The following RIT2 variants were observed in gnomAD, a reference collection of about 807,000 sequenced individuals.
RIT2 encodes the protein GTP-binding protein Rit2.
A neutral mutation model predicts 23.7 loss-of-function variants in RIT2; 24 were observed. The observed-to-expected ratio is 1.01, with a 90% CI of 0.73 to 1.43. RIT2 has a LOEUF of 1.43. Ranked by LOEUF, RIT2 falls within the 40% of genes most tolerant of loss-of-function variation. RIT2 has a pLI of 0.00. For missense variants in RIT2, 236 were observed against 266.9 expected (o/e 0.88, Z 0.81); for synonymous variants, 107 against 91.1 (o/e 1.17, Z -0.99).
chr18:43,023,417 A>T (rs1242185709), intron 2 of RIT2, among the ~76,000 whole-genome samples: 1 of 152,072 alleles, frequency 6.6e-6, no homozygotes, highest in Non-Finnish European at 1.5e-5. Flanking sequence ...AGATGTCCTT[A>T]TCCTGACAGC....
chr18:43,111,449 G>A (rs1162490124), intron 1 of RIT2, among the ~76,000 whole-genome samples: 2 of 151,970 alleles, frequency 1.3e-5, no homozygotes, highest in Non-Finnish European at 2.9e-5. Flanking sequence ...AAAGTATAAT[G>A]GAAGATTTAT....
At position 42,759,556 on chromosome 18, in the gene RIT2, A is replaced by G. The variant is rs542172508; in HGVS notation, c.427-15836T>C. ...AGCATTTTAATATACAGTAAAACGA[A>G]AGAAAAGGTTTAGGAAAGAGACTTC... On this transcript the variant is annotated intron_variant, in intron 4 of 4. Coordinates refer to ENST00000326695, the MANE Select transcript of RIT2 (RefSeq NM_002930.4). Among the ~76,000 whole-genome samples the G allele has an allele frequency of 2.9e-4, 44 of 152,062 alleles. 1 individual carries two copies. In the South Asian group the frequency reaches 6.0e-3, roughly 21 times the overall value.
chr18:43,039,602 C>T (rs755494272), intron 1 of RIT2, among the ~76,000 whole-genome samples: 5 of 152,144 alleles, frequency 3.3e-5, no homozygotes, highest in Non-Finnish European at 5.9e-5. Flanking sequence ...CCCTCCTTGG[C>T]CTCCCAAAAT....
In RIT2 at chr18:43,003,029, A is replaced by C. The variant is rs186670039; in HGVS notation, c.161-28882T>G. ...AGGTAGGGAAAAAAGCAAGGCATGCAGGGCAGCCAGGAGGAGCTGGGTAAA... is the reference window on the plus strand; with the variant it reads ...AGGTAGGGAAAAAAGCAAGGCATGCCGGGCAGCCAGGAGGAGCTGGGTAAA... On this transcript the variant is annotated intron_variant, in intron 2 of 4. Transcript: ENST00000326695. Among the ~76,000 whole-genome samples the C allele has an allele frequency of 8.6e-5, 13 of 152,042 alleles. No individual in the cohort carries two copies. The East Asian group carries it at 1.9e-3, about 23-fold the overall frequency.
At chr18:43,085,257 G>T (rs1039213959) in intron 1 of RIT2, among the ~76,000 whole-genome samples, 1 of 151,886 alleles carries the variant, frequency 6.6e-6, no homozygotes, top group African/African-American at 2.4e-5. Flanking sequence ...GGGGTACAAT[G>T]TGATATTTTT....
At chr18:42,765,852 G>A (rs2143907276) in intron 4 of RIT2, among the ~76,000 whole-genome samples, 1 of 152,076 alleles carries the variant, frequency 6.6e-6, no homozygotes, top group Admixed American at 6.6e-5. Context: ...GAATCATGAG[G>A]GCTGGTCTTT....
chr18:43,002,080 C>T (rs768952284), intron 2 of RIT2, among the ~76,000 whole-genome samples: 1 of 151,940 alleles, frequency 6.6e-6, no homozygotes, highest in African/African-American at 2.4e-5. Flanking sequence ...AAAGGCATTT[C>T]GAGTTCCAAA....
intron 3 of RIT2, among the ~76,000 whole-genome samples, chr18:42,947,950 G>A (rs928980254): frequency 5.3e-5 from 8 of 151,984 alleles, no homozygotes; most frequent in African/African-American, 1.7e-4. Context: ...ACTTCTCCAA[G>A]TATAATTTAT....
At chr18:43,093,240 T>C (rs1913467449) in intron 1 of RIT2, among the ~76,000 whole-genome samples, 1 of 151,876 alleles carries the variant, frequency 6.6e-6, no homozygotes, top group African/African-American at 2.4e-5. Context: ...TACTGTGGTA[T>C]TTCTTGTTAA....
At chr18:43,077,146 G>A (rs1281818025) in intron 1 of RIT2, among the ~76,000 whole-genome samples, 2 of 145,502 alleles carry the variant, frequency 1.4e-5, no homozygotes, top group African/African-American at 5.0e-5. Flanking sequence ...AGCCTCAGTT[G>A]AATCCAATAG....
intron 3 of RIT2, among the ~76,000 whole-genome samples, chr18:42,929,410 C>T (rs2144142651): frequency 6.6e-6 from 1 of 152,096 alleles, no homozygotes; most frequent in African/African-American, 2.4e-5. Context: ...CTGACGGAAG[C>T]TTCAAGCAAG....
intron 4 of RIT2, among the ~76,000 whole-genome samples, chr18:42,812,519 T>C (rs1028360231): frequency 6.6e-5 from 10 of 152,228 alleles, no homozygotes; most frequent in Non-Finnish European, 1.3e-4. Flanking sequence ...ATTTCTTTAC[T>C]GTACCTCTCT....
intron 4 of RIT2, among the ~76,000 whole-genome samples, chr18:42,758,227 A>G (rs1913211399): frequency 6.6e-6 from 1 of 152,178 alleles, no homozygotes; most frequent in Non-Finnish European, 1.5e-5. Context: ...AAGACGTACA[A>G]TTTCAAAATA....
At chr18:42,997,287 A>AT (rs986535279) in intron 2 of RIT2, among the ~76,000 whole-genome samples, 1 of 151,754 alleles carries the variant, frequency 6.6e-6, no homozygotes, top group African/African-American at 2.4e-5. Context: ...TTTGTTTTTT[A>AT]TTTTTTTCCT....
At chr18:42,804,341 G>A (rs991457742) in intron 4 of RIT2, among the ~76,000 whole-genome samples, 3 of 151,954 alleles carry the variant, frequency 2.0e-5, no homozygotes, top group African/African-American at 7.3e-5. Flanking sequence ...ATCACTTGAG[G>A]TTAGGAGTTC....
chr18:42,895,619 T>C (rs147277650), intron 4 of RIT2, among the ~76,000 whole-genome samples: 1,611 of 152,274 alleles, frequency 0.011, 38 homozygotes, highest in African/African-American at 0.037. Flanking sequence ...ATTCACCCGA[T>C]TGAGGACCTA....
intron 3 of RIT2, among the ~76,000 whole-genome samples, chr18:42,957,830 T>C (rs1910008608): frequency 6.6e-6 from 1 of 152,166 alleles, no homozygotes; most frequent in African/African-American, 2.4e-5. Context: ...AATAATAATT[T>C]ACTTAAACTA....
rs9966696 is a variant in RIT2, at chr18:42,795,421, C to T, written c.427-51701G>A. Reference sequence around the variant, plus strand: ...TACTGGGTCCCCTAGCAGTGCCAGCCCACTGGCGCTGCTCTCGATTTCTCA... The same window carrying T: ...TACTGGGTCCCCTAGCAGTGCCAGCTCACTGGCGCTGCTCTCGATTTCTCA... On this transcript the variant is annotated intron_variant, in intron 4 of 4. Coordinates refer to ENST00000326695, the MANE Select transcript of RIT2 (RefSeq NM_002930.4). 7.7e-3 allele frequency among the ~76,000 whole-genome samples: 1,176 copies of T among 152,332 alleles called. 10 individuals carry two copies. The highest frequency in any genetic ancestry group is 0.026 in the African/African-American group (1,094 of 41,568).
At chr18:42,906,624 G>T (rs1190722122) in intron 4 of RIT2, among the ~76,000 whole-genome samples, 2 of 152,204 alleles carry the variant, frequency 1.3e-5, no homozygotes, top group Admixed American at 1.3e-4. Context: ...CTTCTGTCCT[G>T]CTGTTCCTAA....
Sources: allele counts gnomAD v4.1 joint callset (sites outside exome capture counted in the v4.1 genomes callset), GRCh38; gene constraint gnomAD v4.1.1; transcripts MANE v1.5; gene names NCBI Gene and HGNC (gene_info 2026-07-23, HGNC 2026-07-21).